Variants in SF3A3 observed in about 807,000 individuals in gnomAD.
The protein encoded by SF3A3 is splicing factor 3a subunit 3, also known as SAP 61.
A neutral mutation model predicts 85.8 loss-of-function variants in SF3A3; 9 were observed. The observed-to-expected ratio is 0.10, with a 90% confidence interval of 0.06 to 0.18. The LOEUF (loss-of-function observed/expected upper bound fraction) is 0.18, where lower values mean the gene tolerates loss of function less well. SF3A3 is among the 10% of genes least tolerant of loss of function. The pLI is 1.00. For missense variants in SF3A3, 306 were observed against 593.3 expected (o/e 0.52, Z 5.03); for synonymous variants, 195 against 204.4 (o/e 0.95, Z 0.39).
chr1:37,985,275 C>T (rs1438701862), intron 4 of SF3A3, among the ~76,000 whole-genome samples: 2 of 152,212 alleles, frequency 1.3e-5, no homozygotes, highest in Admixed American at 6.5e-5. Context: ...GTAAAACCCA[C>T]TAAAGTAACA....
Position 37,957,983 on chromosome 1 carries a change from T to C in SF3A3, c.*203A>G. 1.8e-6 allele frequency: 1 copy of C among 554,316 alleles called. No individual in the cohort carries two copies. Among genetic ancestry groups the C allele is most frequent in the Non-Finnish European group, 3.2e-6 (1 of 311,176 alleles). The allele number at this position is 554,316 out of a possible 1,614,324, so 34.3% of individuals were successfully genotyped here. A position where few individuals can be genotyped will look rare whatever the true frequency, so the allele number is the denominator to read the frequency against. On this transcript the variant is annotated 3_prime_UTR_variant, in exon 17 of 17. Transcript: ENST00000373019. Reference sequence around the variant, plus strand: ...TAGAACAAGGTCTGGTTTTATTTTCTGGCAGAATCTTTTAAAATATAAAAC... The same window carrying C: ...TAGAACAAGGTCTGGTTTTATTTTCCGGCAGAATCTTTTAAAATATAAAAC...
chr1:37,959,163 C>T (rs1413899990), intron 16 of SF3A3, among the ~76,000 whole-genome samples: 7 of 150,118 alleles, frequency 4.7e-5, no homozygotes, highest in Non-Finnish European at 5.9e-5. Flanking sequence ...ACTGCACCCT[C>T]GACAGCCTGG....
intron 8 of SF3A3, among the ~76,000 whole-genome samples, chr1:37,980,381 G>A (rs942732375): frequency 3.3e-5 from 5 of 151,436 alleles, no homozygotes; most frequent in African/African-American, 7.3e-5. Flanking sequence ...CCGAGATCCC[G>A]CCATTGTACT....
rs545177282 is a variant in SF3A3 at position 37,988,461 on chromosome 1, G to A, written c.145-625C>T. 1.8e-4 allele frequency among the ~76,000 whole-genome samples: 27 copies of A among 152,176 alleles called. No individual in the cohort carries two copies. The South Asian group carries it at 5.0e-3, about 28-fold the overall frequency. On this transcript the variant is annotated intron_variant, in intron 2 of 16. Coordinates refer to ENST00000373019, the MANE Select transcript of SF3A3 (RefSeq NM_006802.4). Reference sequence around the variant, plus strand: ...AACCTCATACCTTATTTACCAAGTGGGATAAATTAAAGACCATAAAAAGCC... The same window carrying A: ...AACCTCATACCTTATTTACCAAGTGAGATAAATTAAAGACCATAAAAAGCC...
At chr1:37,964,225 C>T (rs1012718585) in intron 15 of SF3A3, among the ~76,000 whole-genome samples, 49 of 152,016 alleles carry the variant, frequency 3.2e-4, no homozygotes, top group Middle Eastern at 3.4e-3. Flanking sequence ...TAAGAGAACA[C>T]GATTTCTTTC....
At position 37,958,148 on chromosome 1, in the gene SF3A3, C is replaced by A. The variant is rs770197084; in HGVS notation, c.*38G>T. ...ATAGAAAAAGCAGATCTTAGGGAAG[C>A]CTGGGCTAGCCCAAAAGCTGAGCTA... On this transcript the variant is annotated 3_prime_UTR_variant, in exon 17 of 17. Transcript: ENST00000373019. 6.6e-6 allele frequency: 9 copies of A among 1,367,706 alleles called. No homozygotes were observed. The African/African-American group carries it at 1.1e-4, about 17-fold the overall frequency. The allele number at this position is 1,367,706 out of a possible 1,614,324, so 84.7% of individuals were successfully genotyped here.
chr1:37,989,820 G>T, intron 1 of SF3A3, 50 bp downstream of exon 1: 1 of 1,452,034 alleles, frequency 6.9e-7, no homozygotes. Context: ...GGTCAAACAC[G>T]GGATAGAGGC....
At chr1:37,989,791 G>A (rs1318409664) in intron 1 of SF3A3, 79 bp downstream of exon 1, 3 of 1,325,934 alleles carry the variant, frequency 2.3e-6, no homozygotes, top group Middle Eastern at 2.4e-4. Flanking sequence ...GGTTCTGAGG[G>A]CCAAAGCAAG....
At chr1:37,978,065 C>T (rs1275742345) in intron 11 of SF3A3, among the ~76,000 whole-genome samples, 2 of 151,544 alleles carry the variant, frequency 1.3e-5, no homozygotes, top group African/African-American at 4.8e-5. Flanking sequence ...GGGTCGGGCA[C>T]GGTGGCTCGC....
Position 37,989,577 on chromosome 1 carries a change from A to C in SF3A3, c.115T>G (p.Ser39Ala). Residue 39 changes from serine (S) to alanine (A), a missense_variant, in exon 2 of 17, where the codon TCT (serine) becomes GCT (alanine). Physicochemically the swap from Ser to Ala is moderately conservative, Grantham distance 99. Around this residue, in one of 4 missense-constraint regions of SF3A3, gnomAD observed 152 missense variants for 192.0 expected, o/e 0.79. Transcript: ENST00000373019. ...KKSTLRDQIN[S>A]DHRTRAMQDR... ...TGCATGGCCCGAGTGCGGTGATCAGAATTGATCTGGTCCCGGAGCTGAAAA... is the reference window on the plus strand; with the variant it reads ...TGCATGGCCCGAGTGCGGTGATCAGCATTGATCTGGTCCCGGAGCTGAAAA... 6.2e-7 allele frequency: 1 copy of C among 1,614,038 alleles called. No homozygotes were observed. Among genetic ancestry groups the C allele is most frequent in the Non-Finnish European group, 8.5e-7 (1 of 1,179,990 alleles).
At chr1:37,989,766 G>A in intron 1 of SF3A3, 104 bp downstream of exon 1, 1 of 1,229,356 alleles carries the variant, frequency 8.1e-7, no homozygotes, top group Non-Finnish European at 1.2e-6. Flanking sequence ...GAGGGAGCCC[G>A]GAGGAAGGCA....
intron 16 of SF3A3, 61 bp downstream of exon 16, chr1:37,960,059 A>G (rs1646246657): frequency 5.2e-6 from 7 of 1,356,592 alleles, no homozygotes; most frequent in African/African-American, 2.9e-5. Flanking sequence ...TCCTTTCTAC[A>G]TGGTGAGGGA....
Position 37,979,028 on chromosome 1 carries a change from A to T in SF3A3, c.787T>A (p.Leu263Met). 6.2e-7 allele frequency: 1 copy of T among 1,614,074 alleles called. No individual in the cohort carries two copies. Among genetic ancestry groups the T allele is most frequent in the Admixed American group, 1.7e-5 (1 of 60,026 alleles). The stretch of plus-strand genomic sequence containing the variant: ...CCTAAAGCTAAGAGAGCAGATTTCA[A>T]TCTGTCCAAACCCAGAGAAGCCAAC... ...EELASLGLDR[L>M]KSALLALGLK... Residue 263 changes from leucine to methionine, a missense_variant, in exon 10 of 17, where the codon TTG becomes ATG. Leu to Met is a conservative substitution (Grantham distance 15). Around this residue, in one of 4 missense-constraint regions of SF3A3, gnomAD observed 136 missense variants for 296.6 expected, o/e 0.46. Transcript: ENST00000373019.
intron 12 of SF3A3, among the ~76,000 whole-genome samples, chr1:37,973,816 G>C (rs1646359992): frequency 6.6e-6 from 1 of 152,136 alleles, no homozygotes; most frequent in African/African-American, 2.4e-5. Flanking sequence ...CAATAATAAA[G>C]ACTTGGAACC....
rs541478550 is a variant in SF3A3 at position 37,983,660 on chromosome 1, G to A, written c.468+509C>T. On this transcript the variant is annotated intron_variant, in intron 6 of 16. Coordinates refer to ENST00000373019, the MANE Select transcript of SF3A3 (RefSeq NM_006802.4). Reference sequence around the variant, plus strand: ...GCTTGCTGTATTGATAATGGACTGGGTACAATGGCTCATGCCTGTATCCCA... The same window carrying A: ...GCTTGCTGTATTGATAATGGACTGGATACAATGGCTCATGCCTGTATCCCA... Among the ~76,000 whole-genome samples, 10 of 148,240 alleles carry A rather than the reference G, an allele frequency of 6.7e-5. No homozygotes were observed. The South Asian group carries it at 2.1e-3, about 32-fold the overall frequency.
intron 12 of SF3A3, among the ~76,000 whole-genome samples, chr1:37,974,844 C>T (rs1208818838): frequency 6.6e-6 from 1 of 152,210 alleles, no homozygotes; most frequent in Non-Finnish European, 1.5e-5. Context: ...CACTGCATTT[C>T]TCATTTCCTG....
rs1461904699 is a variant in SF3A3 at position 37,957,387 on chromosome 1, C to CTG, written c.*798_*799insCA. On this transcript the variant is annotated 3_prime_UTR_variant, in exon 17 of 17. Coordinates refer to ENST00000373019, the MANE Select transcript of SF3A3 (RefSeq NM_006802.4). Reference sequence around the variant, plus strand: ...AACACAGCCCAACTCCCCCCCCCCCCCCTTTTTTTTTTTTTGAGATGGGGC... The same window carrying CTG: ...AACACAGCCCAACTCCCCCCCCCCCCTGCCTTTTTTTTTTTTTGAGATGGGGC... The CTG allele has an allele frequency of 4.9e-5, 6 of 121,392 alleles. 2 individuals are homozygous for CTG. Among genetic ancestry groups the CTG allele is most frequent in the African/African-American group, 1.9e-4 (6 of 31,740 alleles). 7.5% of individuals were successfully genotyped at this position (121,392 alleles called of 1,614,324 possible). A position where few individuals can be genotyped will look rare whatever the true frequency, so the allele number is the denominator to read the frequency against.
At chr1:37,986,188 T>G (rs1646455553) in intron 4 of SF3A3, among the ~76,000 whole-genome samples, 1 of 152,060 alleles carries the variant, frequency 6.6e-6, no homozygotes, top group African/African-American at 2.4e-5. Context: ...CCTCAGATGA[T>G]CGACCCGCCT....
intron 12 of SF3A3, among the ~76,000 whole-genome samples, chr1:37,973,324 A>G (rs1209075422): frequency 6.6e-6 from 1 of 152,084 alleles, no homozygotes; most frequent in African/African-American, 2.4e-5. Context: ...AAGCAATGGC[A>G]AAAAAAAGCC....
Sources: allele counts gnomAD v4.1 joint callset (sites outside exome capture counted in the v4.1 genomes callset), GRCh38; gene constraint gnomAD v4.1.1; regional missense constraint gnomAD v4.1.1; transcripts MANE v1.5; gene names NCBI Gene and HGNC (gene_info 2026-07-23, HGNC 2026-07-21).